Variants in SCML4 observed in about 807,000 individuals in gnomAD.
SCML4 encodes sex comb on midleg-like protein 4.
In SCML4, 34 loss-of-function variants were observed where a neutral mutation model predicts 41.1. The ratio of observed to expected loss-of-function variants is 0.83; its 90% CI spans 0.63 to 1.10. The LOEUF (loss-of-function observed/expected upper bound fraction) is 1.10. Among genes scored for constraint, SCML4 ranks in the 50% least tolerant of loss-of-function variants. The probability of loss-of-function intolerance (pLI) is 0.00; values close to 1 mark genes in which losing one functional copy is unlikely to be tolerated. For missense variants in SCML4, 522 were observed against 534.1 expected (o/e 0.98, Z 0.22); for synonymous variants, 214 against 220.9 (o/e 0.97, Z 0.28).
chr6:107,839,270 G>A, the SCML4 span, among the ~76,000 whole-genome samples: 1 of 150,722 alleles, frequency 6.6e-6, no homozygotes, highest in South Asian at 2.1e-4. Flanking sequence ...CTCCAGCCTG[G>A]GTGACAAAGA....
chr6:107,819,871 T>C (rs1395638490), intron 1 of SCML4, among the ~76,000 whole-genome samples: 1 of 152,188 alleles, frequency 6.6e-6, no homozygotes, highest in African/African-American at 2.4e-5. Flanking sequence ...CTTCAGAGTG[T>C]CAAATGGACT....
In SCML4 at chr6:107,749,833, T is replaced by A; in HGVS notation, c.157-20A>T. ...CTTGATCTGGAAGAGAGAGCCCATT[T>A]GGTCAATGAGAATCTGGCAATTCTC... On this transcript the variant is annotated intron_variant, in intron 2 of 7. Transcript: ENST00000369020. 1.2e-6 allele frequency: 2 copies of A among 1,613,760 alleles called. No homozygotes were observed. Among genetic ancestry groups the A allele is most frequent in the Non-Finnish European group, 1.7e-6 (2 of 1,179,726 alleles).
Position 107,749,674 on chromosome 6 carries a change from G to A in SCML4, c.286+10C>T. 1.2e-6 allele frequency: 2 copies of A among 1,613,562 alleles called. No homozygotes were observed. The highest frequency in any genetic ancestry group is 1.7e-6 in the Non-Finnish European group (2 of 1,179,882). The stretch of plus-strand genomic sequence containing the variant: ...CCATCACAGCCTTGGAGTTCATTCT[G>A]CTGACCTACCTGTGAGAGCCTGTGG... On this transcript the variant is annotated intron_variant, in intron 3 of 7. Coordinates refer to ENST00000369020, the MANE Select transcript of SCML4 (RefSeq NM_198081.5).
chr6:107,804,694 G>A (rs1331535317), intron 1 of SCML4, among the ~76,000 whole-genome samples: 1 of 152,290 alleles, frequency 6.6e-6, no homozygotes, highest in Middle Eastern at 3.4e-3. Context: ...ATAAAGTGTG[G>A]CAGCCAGAGC....
chr6:107,791,620 G>A lies in SCML4; in HGVS notation c.-59-19234C>T, dbSNP rs140346651. On this transcript the variant is annotated intron_variant, in intron 1 of 7. Transcript: ENST00000369020. Reference sequence around the variant, plus strand: ...AAGAATGTGGTAATTACTGATATTGGAACATTGTCTCCCTAAGAGCAAATT... The same window carrying A: ...AAGAATGTGGTAATTACTGATATTGAAACATTGTCTCCCTAAGAGCAAATT... Among the ~76,000 whole-genome samples, 416 of 152,274 alleles carry A rather than the reference G, an allele frequency of 2.7e-3. 1 individual carries two copies. The highest frequency in any genetic ancestry group is 9.6e-3 in the African/African-American group (401 of 41,558).
At chr6:107,708,978 A>G (rs1423762913) in intron 6 of SCML4, among the ~76,000 whole-genome samples, 2 of 152,016 alleles carry the variant, frequency 1.3e-5, no homozygotes, top group Admixed American at 6.5e-5. Flanking sequence ...TGTGTTTCCC[A>G]CATTTAATTA....
chr6:107,814,837 G>A (rs1784448718), intron 1 of SCML4, among the ~76,000 whole-genome samples: 1 of 152,192 alleles, frequency 6.6e-6, no homozygotes, highest in African/African-American at 2.4e-5. Context: ...ACGAGCGTGA[G>A]CCACCGTGCC....
chr6:107,741,205 C>T (rs1201678604), intron 5 of SCML4, among the ~76,000 whole-genome samples: 2 of 151,994 alleles, frequency 1.3e-5, no homozygotes, highest in Non-Finnish European at 2.9e-5. Flanking sequence ...TATCCCAGAA[C>T]TCAAATATGA....
chr6:107,832,858 G>A, the SCML4 span, among the ~76,000 whole-genome samples: 1 of 152,186 alleles, frequency 6.6e-6, no homozygotes, highest in African/African-American at 2.4e-5. Context: ...CCAATCTTCA[G>A]GAAGAGCCAC....
chr6:107,835,395 GA>G, the SCML4 span, among the ~76,000 whole-genome samples: 1 of 151,474 alleles, frequency 6.6e-6, no homozygotes, highest in African/African-American at 2.4e-5. Context: ...AAAATGAAAT[GA>G]AAAAAATAAA....
intron 1 of SCML4, among the ~76,000 whole-genome samples, chr6:107,818,070 A>G (rs1160306337): frequency 2.0e-5 from 3 of 152,196 alleles, no homozygotes; most frequent in African/African-American, 7.2e-5. Context: ...GAGCATTAGA[A>G]CCAGCTTCTT....
At chr6:107,803,521 G>T (rs1403838541) in intron 1 of SCML4, among the ~76,000 whole-genome samples, 1 of 149,960 alleles carries the variant, frequency 6.7e-6, no homozygotes, top group African/African-American at 2.5e-5. Flanking sequence ...GAGCCCCTCT[G>T]CCCGGCCACC....
intron 1 of SCML4, among the ~76,000 whole-genome samples, chr6:107,808,032 C>T (rs574601907): frequency 2.3e-4 from 35 of 152,294 alleles, no homozygotes; most frequent in Admixed American, 2.2e-3. Flanking sequence ...AGCCTAATTG[C>T]TTGATATTAG....
chr6:107,833,196 G>A, the SCML4 span, among the ~76,000 whole-genome samples: 1 of 152,206 alleles, frequency 6.6e-6, no homozygotes, highest in Non-Finnish European at 1.5e-5. Flanking sequence ...TAGAAAGGAA[G>A]GCTTGACTGG....
At chr6:107,764,892 T>C (rs1281971337) in intron 2 of SCML4, among the ~76,000 whole-genome samples, 1 of 152,170 alleles carries the variant, frequency 6.6e-6, no homozygotes, top group Non-Finnish European at 1.5e-5. Flanking sequence ...TGACTCTCGT[T>C]CTCTCTTATC....
rs748589627 is a variant in SCML4 at position 107,746,816 on chromosome 6, C to A, written c.360G>T (p.Glu120Asp). ...LERKKVQQLP[E>D]HFGPERPSAV... The stretch of plus-strand genomic sequence containing the variant: ...CCGATGGCCGCTCGGGCCCAAAATG[C>A]TCCGGGAGCTGCTGCACCTTCTTCC... The change falls in exon 4 of 8, where the codon GAG (glutamate) becomes GAT (aspartate). Residue 120 changes from glutamate (E) to aspartate (D), a missense_variant. By Grantham distance (45) the Glu-to-Asp change is conservative. Coordinates refer to ENST00000369020, the MANE Select transcript of SCML4 (RefSeq NM_198081.5). The A allele has an allele frequency of 6.2e-7, 1 of 1,614,136 alleles. No individual in the cohort carries two copies. The highest frequency in any genetic ancestry group is 2.2e-5 in the East Asian group (1 of 44,886).
intron 5 of SCML4, among the ~76,000 whole-genome samples, chr6:107,726,535 A>G: frequency 2.5e-5 from 1 of 40,610 alleles, no homozygotes. Context: ...TCCATCTCAA[A>G]AAAAAAAAAA....
intron 1 of SCML4, among the ~76,000 whole-genome samples, chr6:107,783,561 G>C (rs71556488): frequency 6.7e-4 from 1 of 1,498 alleles, no homozygotes. Context: ...TGCCTGATGG[G>C]AGGAGCTGGT....
intron 6 of SCML4, among the ~76,000 whole-genome samples, chr6:107,708,277 C>T (rs1773873316): frequency 6.6e-6 from 1 of 152,166 alleles, no homozygotes; most frequent in African/African-American, 2.4e-5. Flanking sequence ...AAGCACTAGA[C>T]AGTGGATTCC....
Sources: gnomAD v4.1 joint callset for allele counts (sites outside exome capture counted in the v4.1 genomes callset) on GRCh38, gnomAD v4.1.1 for gene constraint, MANE v1.5 for transcripts, NCBI Gene and HGNC (gene_info 2026-07-23, HGNC 2026-07-21) for gene names.